CHST9: variants seen among roughly 807,000 people sequenced by gnomAD.
CHST9 encodes GalNAc-4-sulfotransferase 2.
Under a neutral mutation model 44.4 loss-of-function variants are expected in CHST9, and 41 were observed. The ratio of observed to expected loss-of-function variants is 0.92; its 90% CI spans 0.72 to 1.20. The LOEUF (loss-of-function observed/expected upper bound fraction) is 1.20, where lower values mean the gene tolerates loss of function less well. Ranked by LOEUF, CHST9 falls within the 50% of genes most tolerant of loss-of-function variation. The pLI, the probability that CHST9 is intolerant of heterozygous loss-of-function variation, is 0.00. For synonymous variants in CHST9, 171 were observed against 178.4 expected (o/e 0.96, Z 0.33); for missense variants, 504 against 516.5 (o/e 0.98, Z 0.23).
intron 1 of CHST9, among the ~76,000 whole-genome samples, chr18:27,163,377 C>T (rs2058764100): frequency 6.6e-6 from 1 of 152,214 alleles, no homozygotes; most frequent in Admixed American, 6.5e-5. Context: ...GAGGATTCTG[C>T]TGCCTTTTGT....
intron 4 of CHST9, among the ~76,000 whole-genome samples, chr18:26,974,172 G>A (rs542908921): frequency 5.3e-5 from 8 of 152,310 alleles, no homozygotes; most frequent in African/African-American, 1.7e-4. Flanking sequence ...CCTTCCTGAA[G>A]TTTTAAGATC....
At chr18:27,125,726 A>G (rs1244137330) in intron 2 of CHST9, among the ~76,000 whole-genome samples, 1 of 152,230 alleles carries the variant, frequency 6.6e-6, no homozygotes, top group Non-Finnish European at 1.5e-5. Context: ...AGACGGAGCC[A>G]AACAAATGGG....
At chr18:27,059,927 A>T (rs541130140) in intron 2 of CHST9, among the ~76,000 whole-genome samples, 1 of 152,344 alleles carries the variant, frequency 6.6e-6, no homozygotes, top group African/African-American at 2.4e-5. Flanking sequence ...GTATGTTTAG[A>T]TCAGTGGATA....
In CHST9 at chr18:26,969,376, C is replaced by CTG. The variant is rs1208856677; in HGVS notation, c.203-25012_203-25011dup. On this transcript the variant is annotated intron_variant, in intron 4 of 5. Coordinates refer to ENST00000618847, the MANE Select transcript of CHST9 (RefSeq NM_031422.6). ...CTTTTTTGATTCTCTCTCTCTCTCT[C>CTG]TGTGTGTGTGTGTGTGTGTGTGTGT... 9.0e-3 allele frequency among the ~76,000 whole-genome samples: 862 copies of CTG among 95,678 alleles called. 3 individuals are homozygous for CTG. Among genetic ancestry groups the CTG allele is most frequent in the South Asian group, 0.024 (71 of 2,936 alleles). 62.8% of individuals were successfully genotyped at this position (95,678 alleles called of 152,430 possible). A position where few individuals can be genotyped will look rare whatever the true frequency, so the allele number is the denominator to read the frequency against.
chr18:27,161,610 G>C (rs112942361), intron 1 of CHST9, among the ~76,000 whole-genome samples: 1 of 152,196 alleles, frequency 6.6e-6, no homozygotes, highest in Non-Finnish European at 1.5e-5. Flanking sequence ...GGAGAGTTCT[G>C]TAGATGTCTA....
intron 2 of CHST9, among the ~76,000 whole-genome samples, chr18:27,082,302 C>A (rs1240133654): frequency 6.6e-6 from 1 of 152,198 alleles, no homozygotes; most frequent in Non-Finnish European, 1.5e-5. Flanking sequence ...ATACTAACTT[C>A]AATGAGTTTT....
intron 2 of CHST9, among the ~76,000 whole-genome samples, chr18:27,130,663 T>G (rs1459969092): frequency 6.6e-6 from 1 of 152,192 alleles, no homozygotes; most frequent in Non-Finnish European, 1.5e-5. Context: ...CTTAGCAGAA[T>G]TATGTGTGAG....
chr18:26,941,057 C>T (rs138627781), intron 5 of CHST9, among the ~76,000 whole-genome samples: 93 of 152,298 alleles, frequency 6.1e-4, no homozygotes, highest in Non-Finnish European at 1.1e-3. Flanking sequence ...GCCCTGCTGA[C>T]CCCGTATTTT....
chr18:27,105,853 C>A (rs72884321), intron 2 of CHST9, among the ~76,000 whole-genome samples: 1 of 151,878 alleles, frequency 6.6e-6, no homozygotes, highest in Admixed American at 6.6e-5. Flanking sequence ...TCTAAATGGA[C>A]GATAAAGTTA....
At chr18:27,157,771 C>A (rs962840550) in intron 1 of CHST9, among the ~76,000 whole-genome samples, 3 of 151,712 alleles carry the variant, frequency 2.0e-5, no homozygotes, top group African/African-American at 7.3e-5. Context: ...ATATATAACT[C>A]TGAAAATTAA....
intron 1 of CHST9, among the ~76,000 whole-genome samples, chr18:27,179,149 C>T (rs1350180813): frequency 1.3e-5 from 2 of 151,302 alleles, no homozygotes; most frequent in African/African-American, 4.9e-5. Context: ...TGGAGATATA[C>T]ATTTAAGCAG....
rs148590791 is a variant in CHST9, at chr18:26,999,103, G to A, written c.202+25013C>T. Among the ~76,000 whole-genome samples the A allele has an allele frequency of 3.8e-3, 582 of 152,304 alleles. 3 individuals are homozygous for A. Among genetic ancestry groups the A allele is most frequent in the African/African-American group, 0.014 (567 of 41,550 alleles). On this transcript the variant is annotated intron_variant, in intron 4 of 5. Transcript: ENST00000618847. Reference sequence around the variant, plus strand: ...ATTCAGTACTAAATTAGGATGGACAGCCTTTCTCTTGGGAAGAAAAGCAAT... The same window carrying A: ...ATTCAGTACTAAATTAGGATGGACAACCTTTCTCTTGGGAAGAAAAGCAAT...
intron 4 of CHST9, among the ~76,000 whole-genome samples, chr18:26,979,195 T>C (rs2056662141): frequency 6.6e-6 from 1 of 152,158 alleles, no homozygotes. Context: ...GTGCCTTTTA[T>C]CTTCTTGCTG....
At chr18:26,935,405 A>C (rs1235637308) in intron 5 of CHST9, 2 of 152,126 alleles carry the variant, frequency 1.3e-5, no homozygotes, top group East Asian at 3.8e-4. Context: ...AATTGGAAGC[A>C]TGTGTTCAAT....
intron 2 of CHST9, among the ~76,000 whole-genome samples, chr18:27,113,980 G>C (rs763803718): frequency 1.1e-4 from 16 of 152,236 alleles, no homozygotes; most frequent in Middle Eastern, 6.8e-3. Flanking sequence ...TTAAATGTTA[G>C]GGGTGAACAT....
intron 2 of CHST9, among the ~76,000 whole-genome samples, chr18:27,134,825 G>GA: frequency 6.6e-6 from 1 of 151,736 alleles, no homozygotes; most frequent in South Asian, 2.1e-4. Flanking sequence ...ACATAAATCA[G>GA]AAAAAAACTG....
chr18:26,975,674 T>A (rs1568117238), intron 4 of CHST9, among the ~76,000 whole-genome samples: 1 of 142,852 alleles, frequency 7.0e-6, no homozygotes, highest in Non-Finnish European at 1.5e-5. Flanking sequence ...TATATAAATA[T>A]ATGTATATAT....
intron 1 of CHST9, among the ~76,000 whole-genome samples, chr18:27,151,897 T>A (rs1183971341): frequency 1.3e-5 from 2 of 152,198 alleles, no homozygotes; most frequent in Non-Finnish European, 2.9e-5. Context: ...ACCAAATTTG[T>A]GATAATCTGT....
chr18:27,082,858 G>A (rs899453784), intron 2 of CHST9, among the ~76,000 whole-genome samples: 8 of 152,160 alleles, frequency 5.3e-5, no homozygotes, highest in African/African-American at 9.7e-5. Flanking sequence ...GGTGTGCTAC[G>A]TGCAATTTGT....
Sources: gnomAD v4.1 joint callset for allele counts (sites outside exome capture counted in the v4.1 genomes callset) on GRCh38, gnomAD v4.1.1 for gene constraint, MANE v1.5 for transcripts, NCBI Gene and HGNC (gene_info 2026-07-23, HGNC 2026-07-21) for gene names.